Variants in TFDP2 observed in about 807,000 individuals in gnomAD.
TFDP2 encodes the protein transcription factor Dp-2 (E2F dimerization partner 2).
A neutral mutation model predicts 59.3 loss-of-function variants in TFDP2; 17 were observed. That is an observed-to-expected ratio of 0.29 (90% CI 0.20 to 0.43). The LOEUF (loss-of-function observed/expected upper bound fraction) is 0.43. TFDP2 is among the 20% of genes least tolerant of loss of function. The probability of loss-of-function intolerance (pLI) is 1.00; values close to 1 mark genes in which losing one functional copy is unlikely to be tolerated. For synonymous variants in TFDP2, 180 were observed against 194.7 expected (o/e 0.92, Z 0.63); for missense variants, 391 against 528.8 (o/e 0.74, Z 2.56).
chr3:142,130,611 G>T (rs1458858790), intron 1 of TFDP2, among the ~76,000 whole-genome samples: 2 of 151,728 alleles, frequency 1.3e-5, no homozygotes, highest in South Asian at 4.2e-4. Context: ...TTTAACATTG[G>T]GTATATCTCC....
At chr3:142,101,197 A>C (rs1299573719) in intron 2 of TFDP2, among the ~76,000 whole-genome samples, 1 of 152,176 alleles carries the variant, frequency 6.6e-6, no homozygotes, top group Non-Finnish European at 1.5e-5. Context: ...ATACAACTTG[A>C]AAGGAGGTAT....
intron 6 of TFDP2, among the ~76,000 whole-genome samples, chr3:141,986,621 A>T (rs1280364911): frequency 6.6e-6 from 1 of 152,118 alleles, no homozygotes; most frequent in Non-Finnish European, 1.5e-5. Flanking sequence ...ACTTTCTTGT[A>T]CATGTTTTTG....
At chr3:141,983,510 C>T (rs763046504) in intron 6 of TFDP2, among the ~76,000 whole-genome samples, 31 of 151,272 alleles carry the variant, frequency 2.0e-4, no homozygotes, top group Non-Finnish European at 3.8e-4. Context: ...TGGTGGTACA[C>T]ATCTGTAATC....
intron 1 of TFDP2, among the ~76,000 whole-genome samples, chr3:142,124,448 CA>C (rs1177075930): frequency 1.3e-5 from 2 of 152,148 alleles, no homozygotes; most frequent in Admixed American, 1.3e-4. Flanking sequence ...GCTGACACTT[CA>C]AATCAGTGAG....
At chr3:142,127,009 C>A (rs1327596981) in intron 1 of TFDP2, among the ~76,000 whole-genome samples, 9 of 146,948 alleles carry the variant, frequency 6.1e-5, no homozygotes, top group Non-Finnish European at 1.3e-4. Flanking sequence ...ATAAACCCAT[C>A]AAAAACATAT....
chr3:141,956,570 AATAG>A (rs1936695808), intron 11 of TFDP2, among the ~76,000 whole-genome samples: 1 of 151,948 alleles, frequency 6.6e-6, no homozygotes, highest in African/African-American at 2.4e-5. Flanking sequence ...AGTCAATGTG[AATAG>A]ACATATTTCT....
intron 3 of TFDP2, among the ~76,000 whole-genome samples, chr3:142,035,380 T>C (rs1422943076): frequency 6.6e-6 from 1 of 152,194 alleles, no homozygotes; most frequent in African/African-American, 2.4e-5. Context: ...AAGGTCTGTC[T>C]TCACTCAGCA....
chr3:142,140,174 T>C (rs987992110), intron 1 of TFDP2, among the ~76,000 whole-genome samples: 28 of 152,244 alleles, frequency 1.8e-4, no homozygotes, highest in Non-Finnish European at 3.2e-4. Context: ...TTGAAGCTTG[T>C]GCATGCCTCA....
At chr3:141,971,990 T>G (rs1475646155) in intron 8 of TFDP2, among the ~76,000 whole-genome samples, 2 of 152,234 alleles carry the variant, frequency 1.3e-5, no homozygotes, top group African/African-American at 4.8e-5. Context: ...TGTTACAATT[T>G]TGTCTTTCAA....
At chr3:142,143,017 C>CT (rs933392283) in intron 1 of TFDP2, among the ~76,000 whole-genome samples, 9 of 152,354 alleles carry the variant, frequency 5.9e-5, no homozygotes, top group African/African-American at 2.2e-4. Context: ...GAGCAGATCA[C>CT]TTGAGGTCAG....
intron 3 of TFDP2, among the ~76,000 whole-genome samples, chr3:142,049,633 G>A (rs1300034432): frequency 6.6e-6 from 1 of 150,600 alleles, no homozygotes; most frequent in Non-Finnish European, 1.5e-5. Context: ...GGAAATGAAA[G>A]GTATAAAATA....
intron 3 of TFDP2, among the ~76,000 whole-genome samples, chr3:142,032,481 C>CCT (rs1281678091): frequency 6.6e-6 from 1 of 152,180 alleles, no homozygotes; most frequent in East Asian, 1.9e-4. Flanking sequence ...GAGGATGTGA[C>CCT]CTATATTCTA....
intron 1 of TFDP2, among the ~76,000 whole-genome samples, chr3:142,134,981 T>C (rs2062667297): frequency 6.6e-6 from 1 of 152,160 alleles, no homozygotes; most frequent in Non-Finnish European, 1.5e-5. Flanking sequence ...ATATCCCTTG[T>C]TCATAACAGC....
intron 4 of TFDP2, among the ~76,000 whole-genome samples, chr3:142,001,989 G>GTT (rs1560009642): frequency 7.3e-6 from 1 of 137,678 alleles, no homozygotes; most frequent in Admixed American, 7.1e-5. Flanking sequence ...CACCATGCCT[G>GTT]GTTTTTTTTT....
intron 1 of TFDP2, among the ~76,000 whole-genome samples, chr3:142,106,590 G>C (rs1355588274): frequency 6.6e-6 from 1 of 152,150 alleles, no homozygotes; most frequent in Admixed American, 6.5e-5. Context: ...GATTCTCAGA[G>C]ATAAACCAGT....
At chr3:142,116,795 T>TAAGA (rs59452381) in intron 1 of TFDP2, among the ~76,000 whole-genome samples, 12,953 of 152,250 alleles carry the variant, frequency 0.085, 692 homozygotes, top group Middle Eastern at 0.14. Context: ...TGTATGCATA[T>TAAGA]AAGTTACGTT....
intron 2 of TFDP2, 148 bp from the exon 3 acceptor site, chr3:142,093,275 A>G (rs1576963579): frequency 1.9e-6 from 1 of 522,734 alleles, no homozygotes. Context: ...CAGGAGTATT[A>G]TTTTAAAATG....
At chr3:142,047,823 C>A (rs773211576) in intron 3 of TFDP2, among the ~76,000 whole-genome samples, 3 of 150,372 alleles carry the variant, frequency 2.0e-5, no homozygotes, top group Non-Finnish European at 3.0e-5. Flanking sequence ...TTCACTGCAA[C>A]CTCCGCCTCC....
chr3:142,001,659 C>A (rs1218942592), intron 4 of TFDP2, among the ~76,000 whole-genome samples: 1 of 152,160 alleles, frequency 6.6e-6, no homozygotes, highest in African/African-American at 2.4e-5. Context: ...ATCTTCACTT[C>A]TGATGATAAA....
Sources: allele counts gnomAD v4.1 joint callset (sites outside exome capture counted in the v4.1 genomes callset), GRCh38; gene constraint gnomAD v4.1.1; transcripts MANE v1.5; gene names NCBI Gene and HGNC (gene_info 2026-07-23, HGNC 2026-07-21).